The following GPC5 variants were observed in gnomAD, a reference collection of about 807,000 sequenced individuals.
GPC5 encodes glypican-5.
A neutral mutation model predicts 53.9 loss-of-function variants in GPC5; 47 were observed. The ratio of observed to expected loss-of-function variants is 0.87; its 90% CI spans 0.69 to 1.11. GPC5 has a LOEUF of 1.11. GPC5 is among the 50% of genes most tolerant of loss of function. The pLI is 0.00. For synonymous variants in GPC5, 286 were observed against 263.3 expected, an observed-to-expected ratio of 1.09 and a Z score of -0.84; for missense variants, 748 against 713.1, an observed-to-expected ratio of 1.05 and a Z score of -0.56.
At chr13:91,436,292 T>G (rs1879946445) in intron 1 of GPC5, among the ~76,000 whole-genome samples, 1 of 152,020 alleles carries the variant, frequency 6.6e-6, no homozygotes, top group Non-Finnish European at 1.5e-5. Flanking sequence ...GTGTCAATTT[T>G]AGATCTTTCC....
intron 5 of GPC5, among the ~76,000 whole-genome samples, chr13:91,783,237 A>G (rs1454783519): frequency 6.6e-6 from 1 of 151,814 alleles, no homozygotes; most frequent in Non-Finnish European, 1.5e-5. Context: ...CTCGGCAGCA[A>G]GAGTGAAACT....
At chr13:92,301,873 G>A (rs1345962120) in intron 7 of GPC5, among the ~76,000 whole-genome samples, 1 of 152,038 alleles carries the variant, frequency 6.6e-6, no homozygotes, top group Non-Finnish European at 1.5e-5. Context: ...ACTCCAGCCT[G>A]GGCAACAGAG....
chr13:92,559,363 TG>T (rs1462650071), intron 7 of GPC5, among the ~76,000 whole-genome samples: 3 of 149,832 alleles, frequency 2.0e-5, no homozygotes, highest in African/African-American at 7.6e-5. Context: ...TGTGTGTGTG[TG>T]TGTGTTGGGG....
intron 6 of GPC5, among the ~76,000 whole-genome samples, chr13:91,956,926 A>C (rs2040078905): frequency 6.6e-6 from 1 of 152,152 alleles, no homozygotes; most frequent in African/African-American, 2.4e-5. Context: ...AAAGCAAGGA[A>C]ATTCAACACC....
At chr13:91,853,111 T>TG (rs2138895228) in intron 5 of GPC5, among the ~76,000 whole-genome samples, 1 of 152,266 alleles carries the variant, frequency 6.6e-6, no homozygotes, top group South Asian at 2.1e-4. Context: ...TTACATAGAC[T>TG]GACCAATGTA....
At chr13:92,269,022 T>C (rs2042822167) in intron 7 of GPC5, among the ~76,000 whole-genome samples, 1 of 152,102 alleles carries the variant, frequency 6.6e-6, no homozygotes, top group East Asian at 1.9e-4. Flanking sequence ...TAAATAACCA[T>C]TTGGTCTGTT....
At position 91,398,736 on chromosome 13, in the gene GPC5, G is replaced by A; in HGVS notation, c.-311G>A. The A allele has an allele frequency of 6.0e-6, 2 of 332,268 alleles. No individual in the cohort carries two copies. Among genetic ancestry groups the A allele is most frequent in the Non-Finnish European group, 1.1e-5 (2 of 182,780 alleles). 20.6% of individuals were successfully genotyped at this position (332,268 alleles called of 1,614,324 possible). A position where few individuals can be genotyped will look rare whatever the true frequency, so the allele number is the denominator to read the frequency against. On this transcript the variant is annotated 5_prime_UTR_variant, in exon 1 of 8. Transcript: ENST00000377067. Reference sequence around the variant, plus strand: ...AGCAGTTGCAGCAGTGGTGGCCAGAGCGGATGCTTGCGGGCTCCCTGCGGC... The same window carrying A: ...AGCAGTTGCAGCAGTGGTGGCCAGAACGGATGCTTGCGGGCTCCCTGCGGC...
chr13:91,966,949 T>G (rs1180776377), intron 6 of GPC5, among the ~76,000 whole-genome samples: 1 of 152,220 alleles, frequency 6.6e-6, no homozygotes, highest in African/African-American at 2.4e-5. Flanking sequence ...TAAACACTAT[T>G]TCCTATATGT....
At chr13:92,741,096 C>T (rs1889079216) in intron 7 of GPC5, among the ~76,000 whole-genome samples, 1 of 150,166 alleles carries the variant, frequency 6.7e-6, no homozygotes, top group Admixed American at 6.7e-5. Context: ...TTGAATGTGC[C>T]CCCCAAATTT....
intron 5 of GPC5, among the ~76,000 whole-genome samples, chr13:91,817,256 A>T (rs540179761): frequency 1.3e-5 from 2 of 152,260 alleles, no homozygotes; most frequent in South Asian, 4.1e-4. Flanking sequence ...TGCCCAGAAC[A>T]TTTTCATGGT....
At chr13:92,210,954 T>C (rs2042370819) in intron 7 of GPC5, among the ~76,000 whole-genome samples, 1 of 152,190 alleles carries the variant, frequency 6.6e-6, no homozygotes, top group Non-Finnish European at 1.5e-5. Context: ...AGGCTTTTGT[T>C]TTTTAAATGC....
intron 7 of GPC5, among the ~76,000 whole-genome samples, chr13:92,666,679 A>C (rs1308371048): frequency 6.6e-6 from 1 of 152,212 alleles, no homozygotes; most frequent in Non-Finnish European, 1.5e-5. Flanking sequence ...CTTTTAATGC[A>C]ATTTGAAGGG....
chr13:91,639,474 T>C (rs1158511895), intron 2 of GPC5, among the ~76,000 whole-genome samples: 1 of 152,238 alleles, frequency 6.6e-6, no homozygotes, highest in Non-Finnish European at 1.5e-5. Flanking sequence ...TAACCAGATA[T>C]AGCTTGCTCA....
intron 7 of GPC5, among the ~76,000 whole-genome samples, chr13:92,476,535 C>T (rs1879137244): frequency 6.6e-6 from 1 of 151,572 alleles, no homozygotes; most frequent in Non-Finnish European, 1.5e-5. Flanking sequence ...CCAGCCATCC[C>T]ATTACTGGGT....
At chr13:92,515,420 G>T (rs1235486496) in intron 7 of GPC5, among the ~76,000 whole-genome samples, 2 of 152,080 alleles carry the variant, frequency 1.3e-5, no homozygotes, top group African/African-American at 2.4e-5. Flanking sequence ...GAGATTTTTG[G>T]TTTTTGTACA....
intron 7 of GPC5, among the ~76,000 whole-genome samples, chr13:92,863,109 G>A (rs946381161): frequency 6.6e-6 from 1 of 152,126 alleles, no homozygotes; most frequent in Non-Finnish European, 1.5e-5. Context: ...AGGAAGGAGA[G>A]AAAACACTCC....
chr13:92,577,861 A>G (rs907097190), intron 7 of GPC5, among the ~76,000 whole-genome samples: 3 of 152,216 alleles, frequency 2.0e-5, no homozygotes, highest in African/African-American at 7.2e-5. Context: ...GAGCAGAAAA[A>G]AATTTTAAAA....
chr13:92,530,210 T>C (rs1048217806), intron 7 of GPC5, among the ~76,000 whole-genome samples: 2 of 3,794 alleles, frequency 5.3e-4, no homozygotes, highest in African/African-American at 5.7e-4. Context: ...ATGTGAGCTA[T>C]TATATAATAA....
At chr13:92,295,998 A>G (rs2043031726) in intron 7 of GPC5, among the ~76,000 whole-genome samples, 1 of 152,044 alleles carries the variant, frequency 6.6e-6, no homozygotes, top group East Asian at 1.9e-4. Context: ...TCATCATGCT[A>G]TTTGTTGCCT....
Sources: allele counts gnomAD v4.1 joint callset (sites outside exome capture counted in the v4.1 genomes callset), GRCh38; gene constraint gnomAD v4.1.1; transcripts MANE v1.5; gene names NCBI Gene and HGNC (gene_info 2026-07-23, HGNC 2026-07-21).